BNC2: variants seen among roughly 807,000 people sequenced by gnomAD.
The protein encoded by BNC2 is basonuclin zinc finger protein 2.
In BNC2, 20 loss-of-function variants were observed where a neutral mutation model predicts 76.3. The observed-to-expected ratio is 0.26, with a 90% CI of 0.18 to 0.38. BNC2 has a LOEUF of 0.38. Ranked by LOEUF, BNC2 falls within the 10% of genes least tolerant of loss-of-function variation. The probability of loss-of-function intolerance (pLI) is 1.00; values close to 1 mark genes in which losing one functional copy is unlikely to be tolerated. For missense variants in BNC2, 1,382 were observed against 1,399.8 expected (o/e 0.99, Z 0.20); for synonymous variants, 582 against 514.8 (o/e 1.13, Z -1.77).
At chr9:16,704,568 G>A (rs200696572) in intron 3 of BNC2, among the ~76,000 whole-genome samples, 60 of 135,804 alleles carry the variant, frequency 4.4e-4, no homozygotes, top group South Asian at 4.9e-4. Flanking sequence ...TGCCAAAAAG[G>A]AAAAAAAAAA....
chr9:16,542,515 T>C (rs1340262004), intron 5 of BNC2, among the ~76,000 whole-genome samples: 1 of 152,222 alleles, frequency 6.6e-6, no homozygotes, highest in Non-Finnish European at 1.5e-5. Context: ...AAAACAATTG[T>C]TCATGCATCA....
intron 2 of BNC2, among the ~76,000 whole-genome samples, chr9:16,731,755 G>A (rs1563918703): frequency 6.6e-6 from 1 of 152,068 alleles, no homozygotes; most frequent in Non-Finnish European, 1.5e-5. Context: ...TAACTTTCGA[G>A]CTGACACCTT....
intron 6 of BNC2, among the ~76,000 whole-genome samples, chr9:16,420,443 C>T (rs917879242): frequency 8.0e-5 from 12 of 150,620 alleles, no homozygotes; most frequent in Non-Finnish European, 1.2e-4. Context: ...AAGACAAAAA[C>T]GGAAAAACAG....
intron 6 of BNC2, chr9:16,421,136 C>T (rs943130124): frequency 9.8e-6 from 4 of 407,616 alleles, no homozygotes; most frequent in African/African-American, 8.3e-5. Flanking sequence ...AGGTATGTGC[C>T]TCAGAGACAA....
chr9:16,707,984 G>A (rs551811314), intron 3 of BNC2, among the ~76,000 whole-genome samples: 37 of 152,196 alleles, frequency 2.4e-4, no homozygotes, highest in Admixed American at 7.8e-4. Context: ...ATGGTATAGC[G>A]ATGCATCACA....
rs750382458 is a variant in BNC2, at chr9:16,436,458, G to A, written c.1736C>T (p.Pro579Leu). The change falls in exon 6 of 7, where the codon CCA becomes CTA. Residue 579 changes from proline (P) to leucine (L), a missense_variant. Physicochemically the swap from Pro to Leu is moderately conservative, Grantham distance 98. Around this residue, in one of 3 missense-constraint regions of BNC2, gnomAD observed 798 missense variants for 775.5 expected, o/e 1.03. Coordinates refer to ENST00000380672, the MANE Select transcript of BNC2 (RefSeq NM_017637.6). Reference protein sequence around the residue: ...VPPFYRSLLTPGEMVSPPTSL... With the variant: ...VPPFYRSLLTLGEMVSPPTSL... Reference sequence around the variant, plus strand: ...GGTTGGAGGACTCACCATTTCCCCTGGAGTGAGTAAACTTCTATAAAATGG... The same window carrying A: ...GGTTGGAGGACTCACCATTTCCCCTAGAGTGAGTAAACTTCTATAAAATGG... The A allele has an allele frequency of 3.3e-5, 53 of 1,613,862 alleles. No homozygotes were observed. The highest frequency in any genetic ancestry group is 4.2e-5 in the Non-Finnish European group (49 of 1,179,980).
Position 16,690,865 on chromosome 9 carries a change from C to A in BNC2, c.330+36932G>T, listed in dbSNP as rs949717287. ...ACGGAGGTGGGGGGATGCCAGGGTG[C>A]GGGGTGGAGCAGGCACAATGTCCTC... On this transcript the variant is annotated intron_variant, in intron 3 of 6. Transcript: ENST00000380672. Among the ~76,000 whole-genome samples, 47 of 152,048 alleles carry A rather than the reference C, an allele frequency of 3.1e-4. 1 individual carries two copies. Among genetic ancestry groups the A allele is most frequent in the Admixed American group, 1.8e-3 (27 of 15,268 alleles).
At chr9:16,688,387 T>C (rs1344098637) in intron 3 of BNC2, among the ~76,000 whole-genome samples, 2 of 152,074 alleles carry the variant, frequency 1.3e-5, no homozygotes, top group Admixed American at 1.3e-4. Flanking sequence ...TGAAGAAAAA[T>C]CAGATATCAA....
intron 5 of BNC2, among the ~76,000 whole-genome samples, chr9:16,515,919 T>C (rs2131997783): frequency 6.8e-6 from 1 of 147,998 alleles, no homozygotes; most frequent in African/African-American, 2.5e-5. Flanking sequence ...TAATGGCAGT[T>C]TGAGAGGAAA....
rs553617636 is a variant in BNC2, at chr9:16,654,995, T to C, written c.331-71910A>G. Among the ~76,000 whole-genome samples, 19 of 152,166 alleles carry C rather than the reference T, an allele frequency of 1.2e-4. No homozygotes were observed. In the South Asian group the frequency reaches 2.9e-3, roughly 23 times the overall value. The stretch of plus-strand genomic sequence containing the variant: ...CTGACAGCACCAGTTCCTTCAGCCA[T>C]GTACTTCAGAAATGATAGATCAATA... On this transcript the variant is annotated intron_variant, in intron 3 of 6. Transcript: ENST00000380672.
intron 1 of BNC2, among the ~76,000 whole-genome samples, chr9:16,780,249 A>AAAAAACAAAAAAAAAAC (rs1826107654): frequency 7.6e-6 from 1 of 132,080 alleles, no homozygotes; most frequent in East Asian, 2.4e-4. Context: ...AAAAAAAAAA[A>AAAAAACAAAAAAAAAAC]AAAAAAACAA....
At chr9:16,818,299 G>A (rs946193861) in intron 1 of BNC2, among the ~76,000 whole-genome samples, 3 of 152,190 alleles carry the variant, frequency 2.0e-5, no homozygotes, top group African/African-American at 7.2e-5. Flanking sequence ...AGCTACTTGG[G>A]AGGCTGAGGC....
chr9:16,827,654 G>A (rs568019985), intron 1 of BNC2, among the ~76,000 whole-genome samples: 3 of 152,158 alleles, frequency 2.0e-5, no homozygotes. Context: ...AGTGGAATTT[G>A]TGAGTACTGG....
chr9:16,444,249 C>G (rs535127300), intron 5 of BNC2, among the ~76,000 whole-genome samples: 1 of 152,146 alleles, frequency 6.6e-6, no homozygotes, highest in Non-Finnish European at 1.5e-5. Flanking sequence ...CACACACACA[C>G]AGAGTTTAGA....
At chr9:16,820,851 A>G (rs142180734) in intron 1 of BNC2, among the ~76,000 whole-genome samples, 131 of 152,278 alleles carry the variant, frequency 8.6e-4, no homozygotes, top group Non-Finnish European at 9.4e-4. Context: ...GTATTCAATT[A>G]ATGAATCTGA....
In BNC2 at chr9:16,510,118, G is replaced by A. The variant is rs761574086; in HGVS notation, c.669+42412C>T. On this transcript the variant is annotated intron_variant, in intron 5 of 6. Transcript: ENST00000380672. The stretch of plus-strand genomic sequence containing the variant: ...AGTCATAACACATTGCCACGGTCAG[G>A]GAGACCTCTGTTAATCAAGGAAGCG... Among the ~76,000 whole-genome samples the A allele has an allele frequency of 2.0e-5, 3 of 152,164 alleles. No homozygotes were observed. The South Asian group carries it at 6.2e-4, about 32-fold the overall frequency.
intron 6 of BNC2, among the ~76,000 whole-genome samples, chr9:16,426,146 A>G (rs982696429): frequency 2.0e-5 from 3 of 152,238 alleles, no homozygotes; most frequent in Non-Finnish European, 4.4e-5. Context: ...GAGCCCTGGC[A>G]TCTTTTAAGG....
chr9:16,752,318 A>G (rs1825243135), intron 1 of BNC2, among the ~76,000 whole-genome samples: 1 of 152,226 alleles, frequency 6.6e-6, no homozygotes, highest in Non-Finnish European at 1.5e-5. Flanking sequence ...TAGATAGTCC[A>G]AAGCCTACTG....
At chr9:16,596,836 G>T (rs2133243987) in intron 3 of BNC2, among the ~76,000 whole-genome samples, 1 of 152,160 alleles carries the variant, frequency 6.6e-6, no homozygotes. Flanking sequence ...TAAAAAATAA[G>T]CCTATCTACA....
Sources: allele counts gnomAD v4.1 joint callset (sites outside exome capture counted in the v4.1 genomes callset), GRCh38; gene constraint gnomAD v4.1.1; regional missense constraint gnomAD v4.1.1; transcripts MANE v1.5; gene names NCBI Gene and HGNC (gene_info 2026-07-23, HGNC 2026-07-21).